Variants in CRMP1 observed in about 807,000 individuals in gnomAD.
CRMP1 encodes collapsin response mediator protein 1.
In CRMP1, 19 loss-of-function variants were observed where a neutral mutation model predicts 68.3. The ratio of observed to expected loss-of-function variants is 0.28; its 90% confidence interval spans 0.19 to 0.41. The LOEUF (loss-of-function observed/expected upper bound fraction) is 0.41, where lower values mean the gene tolerates loss of function less well. Among genes scored for constraint, CRMP1 ranks in the 10% least tolerant of loss-of-function variants. CRMP1 has a pLI of 1.00. For synonymous variants in CRMP1, 439 were observed against 399.6 expected (o/e 1.10, Z -1.18); for missense variants, 791 against 967.4 (o/e 0.82, Z 2.42).
At position 5,881,841 on chromosome 4, in the gene CRMP1, T is replaced by C. The variant is rs759902611; in HGVS notation, c.381+10748A>G. Among the ~76,000 whole-genome samples the C allele has an allele frequency of 1.3e-5, 2 of 152,218 alleles. No homozygotes were observed. The highest frequency in any genetic ancestry group is 2.1e-4 in the South Asian group (1 of 4,832). On this transcript the variant is annotated intron_variant, in intron 1 of 13. Coordinates refer to ENST00000324989, the MANE Select transcript of CRMP1 (RefSeq NM_001014809.3). This position sits in a 1 kb window ranked among gnomAD's most constrained non-coding sequence, Gnocchi z 4.6. ...CACACAGGCTGAGAACCACTGGTTG[T>C]TGAAATAGCTTGCATTTTTCTGTCT...
chr4:5,839,052 G>A (rs1330740392), intron 9 of CRMP1, among the ~76,000 whole-genome samples: 1 of 152,244 alleles, frequency 6.6e-6, no homozygotes, highest in Non-Finnish European at 1.5e-5. Flanking sequence ...CAAGTGTGCT[G>A]CAGGCAGCAG....
At chr4:5,869,681 C>CAAAAAAAA (rs33973891) in intron 1 of CRMP1, among the ~76,000 whole-genome samples, 1 of 92,910 alleles carries the variant, frequency 1.1e-5, no homozygotes, top group African/African-American at 4.2e-5. Flanking sequence ...AAGACTCCGT[C>CAAAAAAAA]AAAAAAAAAA....
rs1000970061 is a variant in CRMP1 at position 5,834,323 on chromosome 4, G to T, written c.1623+1592C>A. ...ATTAAGAGCTGATTAGGTCATGAAG[G>T]CTCTGCCCTCATTAATGGTTAATGC... On this transcript the variant is annotated intron_variant, in intron 11 of 13. Coordinates refer to ENST00000324989, the MANE Select transcript of CRMP1 (RefSeq NM_001014809.3). This position sits in a 1 kb window ranked among gnomAD's most constrained non-coding sequence, Gnocchi z 4.3. Among the ~76,000 whole-genome samples, 2 of 152,186 alleles carry T rather than the reference G, an allele frequency of 1.3e-5. No homozygotes were observed. Among genetic ancestry groups the T allele is most frequent in the African/African-American group, 4.8e-5 (2 of 41,446 alleles).
chr4:5,860,749 T>C lies in CRMP1; in HGVS notation c.655+277A>G, dbSNP rs1301019621. Among the ~76,000 whole-genome samples the C allele has an allele frequency of 6.6e-6, 1 of 152,220 alleles. No homozygotes were observed. Among genetic ancestry groups the C allele is most frequent in the African/African-American group, 2.4e-5 (1 of 41,446 alleles). ...ACTTCAGTCTCATGCTAAGCGATTATATCAATGAGATGTTGTTTTATTTCA... is the reference window on the plus strand; with the variant it reads ...ACTTCAGTCTCATGCTAAGCGATTACATCAATGAGATGTTGTTTTATTTCA... On this transcript the variant is annotated intron_variant, in intron 3 of 13. Transcript: ENST00000324989. The surrounding 1 kb of genome is among the most constrained non-coding windows in gnomAD (Gnocchi z 4.2).
chr4:5,825,068 A>AAAGT lies in CRMP1; in HGVS notation c.1969+422_1969+425dup. 1 of 985,428 alleles carries AAAGT rather than the reference A, an allele frequency of 1.0e-6. No homozygotes were observed. The highest frequency in any genetic ancestry group is 4.7e-5 in the South Asian group (1 of 21,284). The allele number at this position is 985,428 out of a possible 1,614,324, so 61.0% of individuals were successfully genotyped here. A position where few individuals can be genotyped will look rare whatever the true frequency, so the allele number is the denominator to read the frequency against. The stretch of plus-strand genomic sequence containing the variant: ...GGATAAAATAAAATCATGGGTTATG[A>AAAGT]AAGTGCTTAGTACACTGCAGTGGGT... On this transcript the variant is annotated intron_variant, in intron 13 of 13. Transcript: ENST00000324989. The surrounding 1 kb of genome is among the most constrained non-coding windows in gnomAD (Gnocchi z 4.4).
At chr4:5,851,547 C>G in intron 4 of CRMP1, 78 bp from the exon 5 acceptor site, 1 of 1,408,240 alleles carries the variant, frequency 7.1e-7, no homozygotes, top group East Asian at 2.3e-5. Context: ...TCAATGACCA[C>G]AGAGCAGAGT....
chr4:5,821,986 G>C lies in CRMP1; in HGVS notation c.1970-135C>G. On this transcript the variant is annotated intron_variant, in intron 13 of 13. Coordinates refer to ENST00000324989, the MANE Select transcript of CRMP1 (RefSeq NM_001014809.3). The surrounding 1 kb of genome is among the most constrained non-coding windows in gnomAD (Gnocchi z 4.4). ...AGGGCTCAGTCCAGGACCAGCCATG[G>C]GAAGCCTCCCTGGCCTCCACAGAGT... 2 of 625,424 alleles carry C rather than the reference G, an allele frequency of 3.2e-6. No homozygotes were observed. The highest frequency in any genetic ancestry group is 6.3e-5 in the Admixed American group (2 of 31,674). The allele number at this position is 625,424 out of a possible 1,614,324, so 38.7% of individuals were successfully genotyped here.
In CRMP1 at chr4:5,821,667, C is replaced by T. The variant is rs1007496559; in HGVS notation, c.*93G>A. ...GACTTCCCCCTCCCTCCATCAGCAC[C>T]AACTAAAACTGTGGGTTTCAAAAAC... On this transcript the variant is annotated 3_prime_UTR_variant, in exon 14 of 14. Transcript: ENST00000324989. The surrounding 1 kb of genome is among the most constrained non-coding windows in gnomAD (Gnocchi z 4.4). 3 of 1,213,768 alleles carry T rather than the reference C, an allele frequency of 2.5e-6. No individual in the cohort carries two copies. Among genetic ancestry groups the T allele is most frequent in the Non-Finnish European group, 3.5e-6 (3 of 860,116 alleles). 75.2% of individuals were successfully genotyped at this position (1,213,768 alleles called of 1,614,324 possible).
At position 5,890,530 on chromosome 4, in the gene CRMP1, G is replaced by C. The variant is rs113380772; in HGVS notation, c.381+2059C>G. Among the ~76,000 whole-genome samples the C allele has an allele frequency of 6.6e-6, 1 of 152,260 alleles. No homozygotes were observed. The highest frequency in any genetic ancestry group is 2.4e-5 in the African/African-American group (1 of 41,474). The stretch of plus-strand genomic sequence containing the variant: ...AAGCCTCAAGGCCGCTCTGCCGGCA[G>C]AAAGTAAAACCCTCCCTCCGTGGAG... On this transcript the variant is annotated intron_variant, in intron 1 of 13. Transcript: ENST00000324989. The surrounding 1 kb of genome is among the most constrained non-coding windows in gnomAD (Gnocchi z 5.5).
intron 6 of CRMP1, among the ~76,000 whole-genome samples, chr4:5,848,043 A>G (rs1394106559): frequency 6.6e-6 from 1 of 151,646 alleles, no homozygotes; most frequent in Non-Finnish European, 1.5e-5. Context: ...GGTCCTGTAG[A>G]TTGTGTTTCC....
At position 5,839,690 on chromosome 4, in the gene CRMP1, A is replaced by G; in HGVS notation, c.1154-12T>C. The G allele has an allele frequency of 6.5e-7, 1 of 1,545,254 alleles. No individual in the cohort carries two copies. ...AAAAACTAGGGGCCCTTAGGAGGGG[A>G]AAACATAAGCCTGGTTAAAAGCAAA... is the stretch of plus-strand genomic sequence containing the variant. On this transcript the variant is annotated splice_polypyrimidine_tract_variant and intron_variant, in intron 8 of 13. Transcript: ENST00000324989.
chr4:5,837,421 G>A lies in CRMP1; in HGVS notation c.1311-515C>T, dbSNP rs529590995. On this transcript the variant is annotated intron_variant, in intron 9 of 13. Transcript: ENST00000324989. ...GTGGATCACCTGAAGTCAGGAGATC[G>A]GGACCAGCCTGACCAACATGGCAAA... 3.9e-3 allele frequency among the ~76,000 whole-genome samples: 585 copies of A among 150,526 alleles called. 3 individuals carry two copies. The highest frequency in any genetic ancestry group is 0.014 in the African/African-American group (554 of 40,760).
chr4:5,892,935 T>G lies in CRMP1; in HGVS notation c.35A>C (p.Asp12Ala). 1 of 1,275,010 alleles carries G rather than the reference T, an allele frequency of 7.8e-7. No homozygotes were observed. 79.0% of individuals were successfully genotyped at this position (1,275,010 alleles called of 1,614,324 possible). Residue 12 changes from aspartate (D) to alanine (A), a missense_variant, in exon 1 of 14, where the codon GAC (aspartate) becomes GCC (alanine). Physicochemically the swap from Asp to Ala is moderately radical, Grantham distance 126. Around this residue, in one of 3 missense-constraint regions of CRMP1, gnomAD observed 193 missense variants for 186.3 expected, o/e 1.04. Coordinates refer to ENST00000324989, the MANE Select transcript of CRMP1 (RefSeq NM_001014809.3). This position sits in a 1 kb window ranked among gnomAD's most constrained non-coding sequence, Gnocchi z 8.6. ...CCGCGCCAGGTACACGGGCAGGTCG[T>G]CCTCGGTGTTCCACGCGCGCCGCCG... ...ADRRRAWNTE[D>A]DLPVYLARPG... is the part of the protein sequence containing the mutation.
At chr4:5,844,699 C>T (rs1712051119) in intron 6 of CRMP1, among the ~76,000 whole-genome samples, 1 of 152,212 alleles carries the variant, frequency 6.6e-6, no homozygotes, top group South Asian at 2.1e-4. Flanking sequence ...GAGAGCAAAG[C>T]CCCTTATGTG....
At chr4:5,884,276 G>T (rs1715413964) in intron 1 of CRMP1, among the ~76,000 whole-genome samples, 2 of 152,104 alleles carry the variant, frequency 1.3e-5, no homozygotes, top group South Asian at 4.1e-4. Flanking sequence ...AGCATAATAG[G>T]CCTCACACAT....
chr4:5,875,824 T>A (rs1055441685), intron 1 of CRMP1, among the ~76,000 whole-genome samples: 34 of 148,924 alleles, frequency 2.3e-4, no homozygotes, highest in African/African-American at 8.3e-4. Flanking sequence ...AACCTTATAG[T>A]TTCTTACTGC....
intron 1 of CRMP1, among the ~76,000 whole-genome samples, chr4:5,868,254 T>C: frequency 1.3e-5 from 1 of 79,148 alleles, no homozygotes. Context: ...TCTTCATGAC[T>C]ATATATCTAT....
chr4:5,893,022 T>C lies in CRMP1; in HGVS notation c.-53A>G, dbSNP rs909549997. On this transcript the variant is annotated 5_prime_UTR_variant, in exon 1 of 14. Coordinates refer to ENST00000324989, the MANE Select transcript of CRMP1 (RefSeq NM_001014809.3). Reference sequence around the variant, plus strand: ...GCTCCCGCCTGCCCGCCCGCGGCCCTGGGCACCGCCGTGCGCCGCGCTCCG... The same window carrying C: ...GCTCCCGCCTGCCCGCCCGCGGCCCCGGGCACCGCCGTGCGCCGCGCTCCG... 134 of 1,096,118 alleles carry C rather than the reference T, an allele frequency of 1.2e-4. No individual in the cohort carries two copies. The East Asian group carries it at 3.5e-3, about 29-fold the overall frequency. The allele number at this position is 1,096,118 out of a possible 1,614,324, so 67.9% of individuals were successfully genotyped here.
chr4:5,839,811 C>G (rs1711567449), intron 8 of CRMP1, 133 bp from the exon 9 acceptor site: 2 of 1,069,744 alleles, frequency 1.9e-6, no homozygotes, highest in Non-Finnish European at 2.6e-6. Flanking sequence ...ACCGTTCTTG[C>G]AGGCATCACC....
Sources: allele counts gnomAD v4.1 joint callset (sites outside exome capture counted in the v4.1 genomes callset), GRCh38; gene constraint gnomAD v4.1.1; regional missense constraint gnomAD v4.1.1; non-coding constraint Gnocchi (gnomAD v3.1); transcripts MANE v1.5; gene names NCBI Gene and HGNC (gene_info 2026-07-23, HGNC 2026-07-21).